MTREX: variants seen among roughly 807,000 people sequenced by gnomAD.
MTREX encodes exosome RNA helicase MTR4.
MTREX carries 76 observed loss-of-function variants against 135.4 expected under a neutral mutation model. That is an observed-to-expected ratio of 0.56 (90% CI 0.47 to 0.68). The LOEUF is 0.68. MTREX is among the 30% of genes least tolerant of loss of function. The pLI, the probability that MTREX is intolerant of heterozygous loss-of-function variation, is 0.00. For missense variants in MTREX, 920 were observed against 1,262.1 expected, an observed-to-expected ratio of 0.73 and a Z score of 4.11; for synonymous variants, 404 against 401.6, an observed-to-expected ratio of 1.01 and a Z score of -0.07.
chr5:55,327,874 A>G, intron 4 of MTREX, 96 bp downstream of exon 4: 2 of 845,352 alleles, frequency 2.4e-6, no homozygotes, highest in Non-Finnish European at 3.8e-6. Flanking sequence ...TTCCCACAAC[A>G]TGTATATGTA....
rs918835527 is a variant in MTREX, at chr5:55,425,486, A to AT, written c.*720dup. On this transcript the variant is annotated 3_prime_UTR_variant, in exon 27 of 27. Transcript: ENST00000230640. ...TATAAAAAATTAGAGACTAACTGGG[A>AT]TTTTTTAAAGATTATTCCAAATTAA... The AT allele has an allele frequency of 8.8e-6, 6 of 679,662 alleles. No individual in the cohort carries two copies. The highest frequency in any genetic ancestry group is 3.8e-5 in the African/African-American group (2 of 53,306). The allele number at this position is 679,662 out of a possible 1,614,324, so 42.1% of individuals were successfully genotyped here. A position where few individuals can be genotyped will look rare whatever the true frequency, so the allele number is the denominator to read the frequency against.
chr5:55,379,153 C>T lies in MTREX; in HGVS notation c.2010C>T (p.Gly670=), dbSNP rs751234668. 9 of 1,609,014 alleles carry T rather than the reference C, an allele frequency of 5.6e-6. No individual in the cohort carries two copies. The Admixed American group carries it at 1.5e-4, about 27-fold the overall frequency. Residue 670 remains glycine, a synonymous_variant, in exon 18 of 27, where the codon GGC becomes GGT. Coordinates refer to ENST00000230640, the MANE Select transcript of MTREX (RefSeq NM_015360.5). ...TAAAGAATGAAGGAGATGACTTTGG[C>T]TGGGGAGTAGTGGTGAATTTCTCAA... is the stretch of plus-strand genomic sequence containing the variant. ...VKVKNEGDDF[G]WGVVVNFSKK...
intron 16 of MTREX, among the ~76,000 whole-genome samples, chr5:55,377,073 T>C (rs1750315341): frequency 6.6e-6 from 1 of 152,044 alleles, no homozygotes; most frequent in Non-Finnish European, 1.5e-5. Context: ...CTCATGTCTG[T>C]AATCCCAGCA....
intron 19 of MTREX, among the ~76,000 whole-genome samples, chr5:55,390,520 C>T (rs1420051294): frequency 1.3e-5 from 2 of 152,124 alleles, no homozygotes; most frequent in African/African-American, 2.4e-5. Flanking sequence ...CACTCCAGCT[C>T]TGAATTACAT....
intron 14 of MTREX, among the ~76,000 whole-genome samples, chr5:55,355,172 G>A (rs1388109102): frequency 6.6e-6 from 1 of 152,184 alleles, no homozygotes; most frequent in African/African-American, 2.4e-5. Flanking sequence ...GTGGAGGACA[G>A]TGGGTGTGCA....
intron 15 of MTREX, among the ~76,000 whole-genome samples, chr5:55,361,813 G>T (rs1176036685): frequency 6.6e-6 from 1 of 150,840 alleles, no homozygotes; most frequent in East Asian, 2.0e-4. Context: ...GGCTGATCTC[G>T]ATCTTCTGGG....
chr5:55,380,612 T>A (rs1444823803), intron 18 of MTREX, among the ~76,000 whole-genome samples: 1 of 152,226 alleles, frequency 6.6e-6, no homozygotes, highest in African/African-American at 2.4e-5. Context: ...ATGACTGGAT[T>A]TCTGAGATAA....
chr5:55,339,717 C>G lies in MTREX; in HGVS notation c.516-293C>G, dbSNP rs553600560. ...ACAGAGGCTCTGAATTTTGGAAGCC[C>G]GTCTTAGAACCAAAGGTGTTTTCCT... is the stretch of plus-strand genomic sequence containing the variant. On this transcript the variant is annotated intron_variant, in intron 5 of 26. Transcript: ENST00000230640. 3.4e-4 allele frequency among the ~76,000 whole-genome samples: 52 copies of G among 152,230 alleles called. 2 individuals carry two copies. In the South Asian group the frequency reaches 0.01, roughly 30 times the overall value.
chr5:55,406,848 G>A (rs185956624), intron 22 of MTREX, among the ~76,000 whole-genome samples: 13 of 152,200 alleles, frequency 8.5e-5, no homozygotes, highest in Admixed American at 8.5e-4. Flanking sequence ...AGGAGATGCT[G>A]TTGTGGCCAT....
At chr5:55,423,029 G>A (rs1579908151) in intron 26 of MTREX, 47 bp downstream of exon 26, 2 of 1,489,708 alleles carry the variant, frequency 1.3e-6, no homozygotes, top group East Asian at 2.3e-5. Context: ...CAAATTTGGT[G>A]AAGCAAATCT....
At chr5:55,326,382 A>G (rs896946159) in intron 3 of MTREX, among the ~76,000 whole-genome samples, 7 of 152,204 alleles carry the variant, frequency 4.6e-5, no homozygotes, top group African/African-American at 1.7e-4. Flanking sequence ...CCTGGGTGAC[A>G]GAGTGAGACT....
intron 3 of MTREX, among the ~76,000 whole-genome samples, chr5:55,326,500 G>T (rs1231845349): frequency 6.6e-6 from 1 of 152,134 alleles, no homozygotes; most frequent in Admixed American, 6.5e-5. Flanking sequence ...CCACCTTTCT[G>T]TCACTTCTTC....
Position 55,422,924 on chromosome 5 carries a change from A to C in MTREX, c.3018A>C (p.Gln1006His). 1 of 1,614,148 alleles carries C rather than the reference A, an allele frequency of 6.2e-7. No homozygotes were observed. The highest frequency in any genetic ancestry group is 8.5e-7 in the Non-Finnish European group (1 of 1,180,002). ...GGCGCCTGGAAGAATTGCTTCGACA[A>C]ATGTGTCAAGCAGCAAAAGCCATTG... is the stretch of plus-strand genomic sequence containing the variant. ...CMRRLEELLR[Q>H]MCQAAKAIGN... The change falls in exon 26 of 27, where the codon CAA (glutamine) becomes CAC (histidine). Residue 1006 changes from glutamine to histidine, a missense_variant. Physicochemically the swap from Gln to His is conservative, Grantham distance 24 (BLOSUM62 0). Transcript: ENST00000230640.
At position 55,379,151 on chromosome 5, in the gene MTREX, G is replaced by C. The variant is rs1579881593; in HGVS notation, c.2008G>C (p.Gly670Arg). Residue 670 changes from glycine (G) to arginine (R), a missense_variant, in exon 18 of 27, where the codon GGC (glycine) becomes CGC (arginine). By Grantham distance (125) the Gly-to-Arg change is moderately radical (BLOSUM62 -2). Around this residue, in one of 6 missense-constraint regions of MTREX, gnomAD observed 467 missense variants for 589.7 expected, o/e 0.79. Coordinates refer to ENST00000230640, the MANE Select transcript of MTREX (RefSeq NM_015360.5). ...GGTAAAGAATGAAGGAGATGACTTT[G>C]GCTGGGGAGTAGTGGTGAATTTCTC... Reference protein sequence around the residue: ...VKVKNEGDDFGWGVVVNFSKK... With the variant: ...VKVKNEGDDFRWGVVVNFSKK... 5 of 1,609,646 alleles carry C rather than the reference G, an allele frequency of 3.1e-6. No homozygotes were observed. The East Asian group carries it at 1.1e-4, about 36-fold the overall frequency.
rs572154691 is a variant in MTREX, at chr5:55,348,393, A to G, written c.1241-1180A>G. ...CTGTTTCATTGTGGATTAAGGGGTC[A>G]GCACATTAACTTTAGGGGGACACAT... On this transcript the variant is annotated intron_variant, in intron 11 of 26. Coordinates refer to ENST00000230640, the MANE Select transcript of MTREX (RefSeq NM_015360.5). Among the ~76,000 whole-genome samples, 6 of 152,354 alleles carry G rather than the reference A, an allele frequency of 3.9e-5. 1 individual carries two copies. The East Asian group carries it at 1.2e-3, about 29-fold the overall frequency.
At chr5:55,421,004 A>C (rs750054735) in intron 25 of MTREX, among the ~76,000 whole-genome samples, 65 of 152,338 alleles carry the variant, frequency 4.3e-4, no homozygotes, top group African/African-American at 1.4e-3. Context: ...TTTAAAGACA[A>C]TAACTAGAAA....
chr5:55,362,134 A>G (rs748027787), intron 15 of MTREX, among the ~76,000 whole-genome samples: 2 of 116,522 alleles, frequency 1.7e-5, no homozygotes, highest in African/African-American at 6.9e-5. Flanking sequence ...AGGTTTTGCC[A>G]TGTTGCTAAG....
At position 55,425,243 on chromosome 5, in the gene MTREX, G is replaced by A; in HGVS notation, c.*471G>A. On this transcript the variant is annotated 3_prime_UTR_variant, in exon 27 of 27. Transcript: ENST00000230640. ...ATTGCTCGGATAGTGATTCCCAGTTGTTGGTGTTTCATGCAGAGTTGTATG... is the reference window on the plus strand; with the variant it reads ...ATTGCTCGGATAGTGATTCCCAGTTATTGGTGTTTCATGCAGAGTTGTATG... The A allele has an allele frequency of 6.2e-7, 1 of 1,613,848 alleles. No homozygotes were observed. The highest frequency in any genetic ancestry group is 1.3e-5 in the African/African-American group (1 of 75,026).
chr5:55,374,264 T>TTATATATATATATATA (rs763872215), intron 16 of MTREX, among the ~76,000 whole-genome samples: 182 of 139,662 alleles, frequency 1.3e-3, no homozygotes, highest in East Asian at 6.4e-3. Flanking sequence ...CAAAAAACAT[T>TTATATATATATATATA]TATATATATA....
Sources: gnomAD v4.1 joint callset for allele counts (sites outside exome capture counted in the v4.1 genomes callset) on GRCh38, gnomAD v4.1.1 for gene constraint, gnomAD v4.1.1 regional missense constraint, MANE v1.5 for transcripts, NCBI Gene and HGNC (gene_info 2026-07-23, HGNC 2026-07-21) for gene names.